The following BCKDHA variants were observed in gnomAD, a reference collection of about 807,000 sequenced individuals.
BCKDHA encodes branched chain keto acid dehydrogenase E1 subunit alpha, also known as 2-oxoisovalerate dehydrogenase subunit alpha, mitochondrial.
BCKDHA carries 43 observed loss-of-function variants against 52.2 expected under a neutral mutation model. The observed-to-expected ratio is 0.82, with a 90% CI of 0.64 to 1.06. The LOEUF is 1.06. Among genes scored for constraint, BCKDHA ranks in the 50% least tolerant of loss-of-function variants. The pLI, the probability that BCKDHA is intolerant of heterozygous loss-of-function variation, is 0.00. For missense variants in BCKDHA, 527 were observed against 621.3 expected, an observed-to-expected ratio of 0.85 and a Z score of 1.61; for synonymous variants, 234 against 247.9, an observed-to-expected ratio of 0.94 and a Z score of 0.53.
Position 41,397,910 on chromosome 19 carries a change from C to T in BCKDHA, c.83C>T (p.Pro28Leu), listed in dbSNP as rs1599945244. Residue 28 changes from proline (P) to leucine (L), a missense_variant, in exon 1 of 9, where the codon CCT (proline) becomes CTT (leucine). Coordinates refer to ENST00000269980, the MANE Select transcript of BCKDHA (RefSeq NM_000709.4). ...SQAALLLLRQ[P>L]GARGLARSHP... ...GCTGCCCTCCTGCTGCTGCGGCAGC[C>T]TGGGGCTCGGGGACTGGCTAGATCT... The T allele has an allele frequency of 6.2e-7, 1 of 1,614,106 alleles. No homozygotes were observed. Among genetic ancestry groups the T allele is most frequent in the South Asian group, 1.1e-5 (1 of 91,078 alleles).
Position 41,423,005 on chromosome 19 carries a change from C to A in BCKDHA, c.1003C>A (p.His335Asn). Residue 335 changes from histidine to asparagine, a missense_variant, in exon 8 of 9, where the codon CAC (histidine) becomes AAC (asparagine). Transcript: ENST00000269980. ...LIEAMTYRIG[H>N]HSTSDDSSAY... The stretch of plus-strand genomic sequence containing the variant: ...CCCCTTGCCCCTGTGCAGGATCGGG[C>A]ACCACAGCACCAGTGACGACAGTTC... 6.2e-7 allele frequency: 1 copy of A among 1,609,196 alleles called. No individual in the cohort carries two copies. Among genetic ancestry groups the A allele is most frequent in the Non-Finnish European group, 8.5e-7 (1 of 1,177,876 alleles).
chr19:41,409,858 T>C (rs1004024026), intron 1 of BCKDHA, among the ~76,000 whole-genome samples: 2 of 149,016 alleles, frequency 1.3e-5, no homozygotes, highest in Non-Finnish European at 3.0e-5. Flanking sequence ...TAGAGTGCTA[T>C]GGCGCAATCT....
chr19:41,422,574 G>A (rs532601019), intron 6 of BCKDHA, 55 bp from the exon 7 acceptor site: 54 of 1,610,960 alleles, frequency 3.4e-5, no homozygotes, highest in African/African-American at 1.2e-4. Context: ...CCTTGGCCTC[G>A]TGCATGTTCC....
In BCKDHA at chr19:41,407,743, A is replaced by G. The variant is rs1368578602; in HGVS notation, c.109-2894A>G. ...GACGGAGGGACACATTTGAGCACGCATGTGTGAGATCCAGCTTGTGGCAAA... is the reference window on the plus strand; with the variant it reads ...GACGGAGGGACACATTTGAGCACGCGTGTGTGAGATCCAGCTTGTGGCAAA... On this transcript the variant is annotated intron_variant, in intron 1 of 8. Transcript: ENST00000269980. Among the ~76,000 whole-genome samples, 4 of 152,328 alleles carry G rather than the reference A, an allele frequency of 2.6e-5. No individual in the cohort carries two copies. The East Asian group carries it at 7.7e-4, about 29-fold the overall frequency.
In BCKDHA at chr19:41,423,005, C is replaced by T; in HGVS notation, c.1003C>T (p.His335Tyr). ...CCCCTTGCCCCTGTGCAGGATCGGGCACCACAGCACCAGTGACGACAGTTC... is the reference window on the plus strand; with the variant it reads ...CCCCTTGCCCCTGTGCAGGATCGGGTACCACAGCACCAGTGACGACAGTTC... ...LIEAMTYRIG[H>Y]HSTSDDSSAY... is the part of the protein sequence containing the mutation. Residue 335 changes from histidine (H) to tyrosine (Y), a missense_variant, in exon 8 of 9, where the codon CAC (histidine) becomes TAC (tyrosine). Physicochemically the swap from His to Tyr is moderately conservative, Grantham distance 83. Coordinates refer to ENST00000269980, the MANE Select transcript of BCKDHA (RefSeq NM_000709.4). 2 of 1,609,198 alleles carry T rather than the reference C, an allele frequency of 1.2e-6. No individual in the cohort carries two copies. Among genetic ancestry groups the T allele is most frequent in the Non-Finnish European group, 1.7e-6 (2 of 1,177,876 alleles).
At chr19:41,418,969 C>G (rs543165694) in intron 4 of BCKDHA, 166 bp from the exon 5 acceptor site, 121 of 739,200 alleles carry the variant, frequency 1.6e-4, no homozygotes, top group East Asian at 1.1e-4. Context: ...TTTGAAAAAT[C>G]AGATTGGCCT....
At chr19:41,409,904 G>A (rs2039233433) in intron 1 of BCKDHA, among the ~76,000 whole-genome samples, 2 of 149,698 alleles carry the variant, frequency 1.3e-5, no homozygotes, top group Non-Finnish European at 1.5e-5. Context: ...GGGTTCAAGT[G>A]ATTCTCTTGC....
At chr19:41,413,241 C>T in intron 3 of BCKDHA, among the ~76,000 whole-genome samples, 1 of 152,162 alleles carries the variant, frequency 6.6e-6, no homozygotes, top group East Asian at 1.9e-4. Context: ...ATCCAGAAAG[C>T]AAAAGCAGAC....
intron 1 of BCKDHA, among the ~76,000 whole-genome samples, chr19:41,409,081 C>T (rs1181068820): frequency 1.3e-5 from 2 of 152,132 alleles, no homozygotes; most frequent in Admixed American, 6.5e-5. Context: ...TCTTGAGTAG[C>T]TGGGATTACA....
intron 1 of BCKDHA, among the ~76,000 whole-genome samples, chr19:41,406,758 C>T (rs1568502360): frequency 6.6e-6 from 1 of 152,020 alleles, no homozygotes. Flanking sequence ...TTAGTAGAGA[C>T]AGGGTTTCAC....
At chr19:41,399,624 A>G (rs1353803503) in intron 1 of BCKDHA, 2 of 147,770 alleles carry the variant, frequency 1.4e-5, no homozygotes, top group African/African-American at 5.0e-5. Flanking sequence ...TTTCCCCTTT[A>G]TTTCTCCCAC....
At position 41,422,387 on chromosome 19, in the gene BCKDHA, C is replaced by G; in HGVS notation, c.853+17C>G. Reference sequence around the variant, plus strand: ...ATGGCATTGGTATGGGCTCTGCTGGCTGCTCCCCACCCCGCTGGGATCATC... The same window carrying G: ...ATGGCATTGGTATGGGCTCTGCTGGGTGCTCCCCACCCCGCTGGGATCATC... On this transcript the variant is annotated intron_variant, in intron 6 of 8. Coordinates refer to ENST00000269980, the MANE Select transcript of BCKDHA (RefSeq NM_000709.4). The G allele has an allele frequency of 6.2e-7, 1 of 1,613,878 alleles. No homozygotes were observed. The highest frequency in any genetic ancestry group is 8.5e-7 in the Non-Finnish European group (1 of 1,179,854).
At chr19:41,414,263 C>G (rs2039286525) in intron 4 of BCKDHA, 106 bp downstream of exon 4, 1 of 1,127,280 alleles carries the variant, frequency 8.9e-7, no homozygotes, top group Non-Finnish European at 1.3e-6. Context: ...GTCTAAGGAG[C>G]TGGAAGAAGA....
At chr19:41,423,247 G>C in intron 8 of BCKDHA, 78 bp downstream of exon 8, 1 of 1,538,568 alleles carries the variant, frequency 6.5e-7, no homozygotes, top group Non-Finnish European at 8.8e-7. Context: ...GTGGAACACC[G>C]AACTGGGAGG....
At chr19:41,424,383 G>A in intron 8 of BCKDHA, 55 bp from the exon 9 acceptor site, 3 of 1,606,900 alleles carry the variant, frequency 1.9e-6, no homozygotes, top group East Asian at 2.2e-5. Context: ...GCAGGAGGAA[G>A]CAGGGTCCTG....
In BCKDHA at chr19:41,410,747, C is replaced by G; in HGVS notation, c.219C>G (p.Ile73Met). 2.5e-6 allele frequency: 4 copies of G among 1,614,202 alleles called. No individual in the cohort carries two copies. Among genetic ancestry groups the G allele is most frequent in the Non-Finnish European group, 3.4e-6 (4 of 1,180,044 alleles). ...DKLEFIQPNV[I>M]SGIPIYRVMD... is the part of the protein sequence containing the mutation. Reference sequence around the variant, plus strand: ...TGGAATTCATCCAGCCCAACGTCATCTCTGGAATCCCCATCTACCGCGTCA... The same window carrying G: ...TGGAATTCATCCAGCCCAACGTCATGTCTGGAATCCCCATCTACCGCGTCA... The change falls in exon 2 of 9, where the codon ATC (isoleucine) becomes ATG (methionine). Residue 73 changes from isoleucine (I) to methionine (M), a missense_variant. Physicochemically the swap from Ile to Met is conservative, Grantham distance 10. Transcript: ENST00000269980.
At chr19:41,412,394 T>TTTTTTTTTTTTTTTTTTTTAC (rs1349425347) in intron 3 of BCKDHA, among the ~76,000 whole-genome samples, 1 of 137,758 alleles carries the variant, frequency 7.3e-6, no homozygotes, top group East Asian at 2.1e-4. Context: ...TTTTTTTTTT[T>TTTTTTTTTTTTTTTTTTTTAC]TTTTACTTTT....
chr19:41,424,631 C>T lies in BCKDHA; in HGVS notation c.*23C>T. On this transcript the variant is annotated 3_prime_UTR_variant, in exon 9 of 9. Transcript: ENST00000269980. ...TGAGACCTGCTCAGCCCACCCCCAC[C>T]CATCCTCAGCTACCCCGAGAGGTAG... 1 of 1,562,412 alleles carries T rather than the reference C, an allele frequency of 6.4e-7. No homozygotes were observed. Among genetic ancestry groups the T allele is most frequent in the Non-Finnish European group, 8.7e-7 (1 of 1,149,646 alleles).
At chr19:41,412,413 G>GTTTTTTTTT (rs1599954229) in intron 3 of BCKDHA, among the ~76,000 whole-genome samples, 1 of 45,822 alleles carries the variant, frequency 2.2e-5, no homozygotes. Flanking sequence ...TTGAGATGGA[G>GTTTTTTTTT]TTTTGCTCTT....
Sources: allele counts gnomAD v4.1 joint callset (sites outside exome capture counted in the v4.1 genomes callset), GRCh38; gene constraint gnomAD v4.1.1; transcripts MANE v1.5; gene names NCBI Gene and HGNC (gene_info 2026-07-23, HGNC 2026-07-21).